Variants in NLGN1 observed in about 807,000 individuals in gnomAD.
NLGN1 encodes neuroligin 1.
NLGN1 carries 12 observed loss-of-function variants against 65.5 expected under a neutral mutation model. The observed-to-expected ratio is 0.18, with a 90% CI of 0.12 to 0.30. The LOEUF (loss-of-function observed/expected upper bound fraction) is 0.30, where lower values mean the gene tolerates loss of function less well. Among genes scored for constraint, NLGN1 ranks in the 10% least tolerant of loss-of-function variants. NLGN1 has a pLI of 1.00. For missense variants in NLGN1, 750 were observed against 1,007.1 expected (o/e 0.74, Z 3.46); for synonymous variants, 350 against 359.5 (o/e 0.97, Z 0.30).
intron 4 of NLGN1, among the ~76,000 whole-genome samples, chr3:174,215,141 C>G (rs962749761): frequency 4.6e-5 from 7 of 151,946 alleles, no homozygotes; most frequent in African/African-American, 1.7e-4. Flanking sequence ...GTTGGGTTAC[C>G]TAAACTTTGA....
chr3:173,695,528 C>G (rs971173531), intron 3 of NLGN1: 1 of 342,276 alleles, frequency 2.9e-6, no homozygotes, highest in Admixed American at 3.8e-5. Flanking sequence ...ACCATATATT[C>G]AAATTTTTTA....
chr3:174,163,026 A>G lies in NLGN1; in HGVS notation c.647-112289A>G, dbSNP rs149923016. Among the ~76,000 whole-genome samples the G allele has an allele frequency of 4.5e-4, 69 of 152,028 alleles. No individual in the cohort carries two copies. In the Middle Eastern group the frequency reaches 0.017, roughly 37 times the overall value. ...CTTTTTAGCTCTGTGTTCACAAGCA[A>G]GTTCCCTGGATCTTCATTTTAAAGT... On this transcript the variant is annotated intron_variant, in intron 4 of 6. Coordinates refer to ENST00000457714, the Ensembl canonical transcript of NLGN1.
At chr3:174,200,337 C>T (rs1298069076) in intron 4 of NLGN1, among the ~76,000 whole-genome samples, 4 of 152,186 alleles carry the variant, frequency 2.6e-5, no homozygotes, top group African/African-American at 7.2e-5. Flanking sequence ...GGCTTGAACA[C>T]TGTGTTCTCA....
At chr3:174,071,692 C>T (rs1055700729) in intron 4 of NLGN1, among the ~76,000 whole-genome samples, 1 of 143,124 alleles carries the variant, frequency 7.0e-6, no homozygotes, top group Non-Finnish European at 1.5e-5. Flanking sequence ...GATGACACAG[C>T]GAGACCCTTT....
chr3:174,190,803 T>C (rs1461507128), intron 4 of NLGN1, among the ~76,000 whole-genome samples: 1 of 152,112 alleles, frequency 6.6e-6, no homozygotes, highest in Non-Finnish European at 1.5e-5. Flanking sequence ...CTAGAACTTT[T>C]TGTTTCTAAA....
At chr3:173,683,866 T>TA (rs1332694385) in intron 3 of NLGN1, among the ~76,000 whole-genome samples, 1 of 152,070 alleles carries the variant, frequency 6.6e-6, no homozygotes, top group Non-Finnish European at 1.5e-5. Context: ...ATTTTGCAGA[T>TA]AAAAAAACAG....
intron 4 of NLGN1, among the ~76,000 whole-genome samples, chr3:174,253,368 G>A (rs1745113110): frequency 6.6e-6 from 1 of 152,066 alleles, no homozygotes; most frequent in South Asian, 2.1e-4. Context: ...CCTTCCTCTC[G>A]GGTTTGATTG....
At chr3:174,021,323 T>A (rs775275573) in intron 4 of NLGN1, among the ~76,000 whole-genome samples, 92 of 152,072 alleles carry the variant, frequency 6.0e-4, no homozygotes, top group Admixed American at 6.0e-3. Context: ...GGCAATGTAA[T>A]AAAGTTCTCA....
chr3:173,862,706 G>T (rs895986599), intron 4 of NLGN1, among the ~76,000 whole-genome samples: 3 of 151,874 alleles, frequency 2.0e-5, no homozygotes, highest in Non-Finnish European at 4.4e-5. Flanking sequence ...TCTTTGTATT[G>T]TTTATATAAA....
At chr3:174,166,871 G>A (rs1727593630) in intron 4 of NLGN1, among the ~76,000 whole-genome samples, 1 of 151,796 alleles carries the variant, frequency 6.6e-6, no homozygotes, top group African/African-American at 2.4e-5. Context: ...TCTATGGTTG[G>A]GTGTGTAGAT....
At chr3:173,913,110 T>C (rs2152231002) in intron 4 of NLGN1, among the ~76,000 whole-genome samples, 1 of 152,266 alleles carries the variant, frequency 6.6e-6, no homozygotes, top group South Asian at 2.1e-4. Flanking sequence ...TAAATATGGC[T>C]CTGCAAACAC....
chr3:173,465,645 T>G (rs1380613245), intron 2 of NLGN1, among the ~76,000 whole-genome samples: 2 of 152,218 alleles, frequency 1.3e-5, no homozygotes, highest in Non-Finnish European at 2.9e-5. Flanking sequence ...AGAGATGAAG[T>G]CATATTTTTG....
chr3:173,827,370 G>A (rs943169649), intron 4 of NLGN1, among the ~76,000 whole-genome samples: 2 of 152,056 alleles, frequency 1.3e-5, no homozygotes, highest in African/African-American at 4.8e-5. Flanking sequence ...TCTTAAGGCT[G>A]GGCAGGAGAT....
At chr3:173,614,021 A>G (rs1181070959) in intron 3 of NLGN1, among the ~76,000 whole-genome samples, 1 of 128,670 alleles carries the variant, frequency 7.8e-6, no homozygotes, top group African/African-American at 3.0e-5. Context: ...TGGAGTAGTT[A>G]TTCCACTTAA....
At chr3:173,775,949 C>T (rs775888718) in intron 3 of NLGN1, among the ~76,000 whole-genome samples, 5 of 152,000 alleles carry the variant, frequency 3.3e-5, no homozygotes, top group Admixed American at 6.6e-5. Context: ...AAAACATAGA[C>T]TTTTGTCTAT....
chr3:173,910,303 A>G (rs1307594079), intron 4 of NLGN1, among the ~76,000 whole-genome samples: 1 of 152,134 alleles, frequency 6.6e-6, no homozygotes, highest in Non-Finnish European at 1.5e-5. Context: ...TGTGTTGTTT[A>G]TCTCTGTAGT....
chr3:173,548,424 A>G (rs978410197), intron 2 of NLGN1, among the ~76,000 whole-genome samples: 11 of 152,066 alleles, frequency 7.2e-5, no homozygotes, highest in Non-Finnish European at 1.6e-4. Context: ...AGAAAGCATG[A>G]GGAAACTAGA....
At chr3:173,580,333 A>G (rs1417199795) in intron 2 of NLGN1, among the ~76,000 whole-genome samples, 1 of 152,102 alleles carries the variant, frequency 6.6e-6, no homozygotes, top group African/African-American at 2.4e-5. Context: ...TTTTAATAAC[A>G]CGGTTAAATT....
chr3:173,520,570 C>A (rs776674319), intron 2 of NLGN1, among the ~76,000 whole-genome samples: 1 of 152,090 alleles, frequency 6.6e-6, no homozygotes, highest in East Asian at 1.9e-4. Flanking sequence ...TTCAACAAAT[C>A]ATAATGTAGT....
Sources: allele counts gnomAD v4.1 joint callset (sites outside exome capture counted in the v4.1 genomes callset), GRCh38; gene constraint gnomAD v4.1.1; transcripts MANE v1.5; gene names NCBI Gene and HGNC (gene_info 2026-07-23, HGNC 2026-07-21).